NRXN1: variants seen among roughly 807,000 people sequenced by gnomAD.
The protein encoded by NRXN1 is neurexin-1.
In NRXN1, 39 loss-of-function variants were observed where a neutral mutation model predicts 150.9. The observed-to-expected ratio is 0.26, with a 90% CI of 0.20 to 0.34. The LOEUF (loss-of-function observed/expected upper bound fraction) is 0.34, where lower values mean the gene tolerates loss of function less well. NRXN1 is among the 10% of genes least tolerant of loss of function. NRXN1 has a pLI of 1.00. For missense variants in NRXN1, 1,815 were observed against 1,949.9 expected, an observed-to-expected ratio of 0.93 and a Z score of 1.30; for synonymous variants, 924 against 757.0, an observed-to-expected ratio of 1.22 and a Z score of -3.62.
chr2:50,582,549 A>C (rs1461519239), intron 8 of NRXN1, among the ~76,000 whole-genome samples: 1 of 151,842 alleles, frequency 6.6e-6, no homozygotes, highest in Non-Finnish European at 1.5e-5. Context: ...AATAAAACAA[A>C]AATAGCAAAG....
Position 50,522,248 on chromosome 2 carries a change from T to C in NRXN1, c.2374+6377A>G, listed in dbSNP as rs2092808741. On this transcript the variant is annotated intron_variant, in intron 12 of 22. Coordinates refer to ENST00000401669, the MANE Select transcript of NRXN1 (RefSeq NM_001330078.2). ...GAAACTCCCTTTTCACAGAAACTAA[T>C]AAGAGAATATCAAGTTTAGAATGTT... 1.3e-5 allele frequency among the ~76,000 whole-genome samples: 2 copies of C among 152,304 alleles called. 1 individual carries two copies. The highest frequency in any genetic ancestry group is 2.9e-5 in the Non-Finnish European group (2 of 68,016).
intron 17 of NRXN1, among the ~76,000 whole-genome samples, chr2:50,262,738 A>T (rs1313560409): frequency 2.0e-5 from 3 of 152,038 alleles, no homozygotes; most frequent in Non-Finnish European, 2.9e-5. Flanking sequence ...CTACAGATGT[A>T]GCTGCAGTGG....
At chr2:50,459,510 C>T (rs570373445) in intron 17 of NRXN1, among the ~76,000 whole-genome samples, 5 of 152,148 alleles carry the variant, frequency 3.3e-5, no homozygotes, top group Admixed American at 1.3e-4. Context: ...CCCTTCTTTG[C>T]GTTCATGAGT....
intron 19 of NRXN1, among the ~76,000 whole-genome samples, chr2:50,066,468 T>C (rs1287351442): frequency 6.6e-6 from 1 of 152,128 alleles, no homozygotes; most frequent in Non-Finnish European, 1.5e-5. Context: ...ACACAAACGA[T>C]TGCACCTAGA....
intron 5 of NRXN1, among the ~76,000 whole-genome samples, chr2:50,750,293 A>G (rs1700449375): frequency 6.6e-6 from 1 of 152,006 alleles, no homozygotes; most frequent in Non-Finnish European, 1.5e-5. Context: ...GGTGGCTTCT[A>G]TAGCTTTTTA....
chr2:50,561,885 T>C (rs1669140298), intron 8 of NRXN1, among the ~76,000 whole-genome samples: 1 of 152,204 alleles, frequency 6.6e-6, no homozygotes, highest in South Asian at 2.1e-4. Flanking sequence ...ATGAAGATAC[T>C]TTCCGCATCA....
chr2:50,344,759 C>T (rs757483481), intron 17 of NRXN1, among the ~76,000 whole-genome samples: 7 of 152,176 alleles, frequency 4.6e-5, no homozygotes, highest in Non-Finnish European at 1.0e-4. Context: ...GTCTTCTCCT[C>T]TCCCACGTCC....
intron 2 of NRXN1, among the ~76,000 whole-genome samples, chr2:51,011,207 A>C (rs1040741785): frequency 6.6e-6 from 1 of 152,008 alleles, no homozygotes; most frequent in African/African-American, 2.4e-5. Flanking sequence ...CTCTTTTAAG[A>C]AATTGCCTAC....
chr2:50,415,844 GA>G (rs924576756), intron 17 of NRXN1, among the ~76,000 whole-genome samples: 12 of 144,502 alleles, frequency 8.3e-5, no homozygotes, highest in Non-Finnish European at 1.4e-4. Flanking sequence ...AAAAAAAACA[GA>G]AAAAAATAGA....
intron 17 of NRXN1, among the ~76,000 whole-genome samples, chr2:50,395,093 T>C (rs2081974653): frequency 1.3e-5 from 2 of 152,124 alleles, no homozygotes; most frequent in African/African-American, 4.8e-5. Flanking sequence ...ATAGGTATTA[T>C]ATTATACTCA....
chr2:50,624,679 T>A (rs1344044995), intron 5 of NRXN1: 1 of 152,030 alleles, frequency 6.6e-6, no homozygotes, highest in Non-Finnish European at 1.5e-5. Context: ...GGATTACTGA[T>A]CTATTCCCTG....
At chr2:50,131,605 C>T (rs947182448) in intron 18 of NRXN1, among the ~76,000 whole-genome samples, 8 of 152,186 alleles carry the variant, frequency 5.3e-5, no homozygotes, top group Non-Finnish European at 1.2e-4. Flanking sequence ...AAGAAATGCT[C>T]TGTTGCCACT....
At chr2:50,579,844 C>T (rs1671987259) in intron 8 of NRXN1, among the ~76,000 whole-genome samples, 1 of 132,336 alleles carries the variant, frequency 7.6e-6, no homozygotes, top group African/African-American at 2.8e-5. Flanking sequence ...AGCAATTGAA[C>T]ATCAGGTGCA....
chr2:50,572,359 T>A (rs553386623), intron 8 of NRXN1, among the ~76,000 whole-genome samples: 1 of 152,338 alleles, frequency 6.6e-6, no homozygotes, highest in Admixed American at 6.5e-5. Context: ...GATATATTAA[T>A]AATTATACTG....
intron 21 of NRXN1, among the ~76,000 whole-genome samples, chr2:49,967,557 T>G (rs1677170568): frequency 6.6e-6 from 1 of 152,072 alleles, no homozygotes; most frequent in South Asian, 2.1e-4. Context: ...TGTCCTCCCA[T>G]TTTAGAGTTT....
chr2:50,902,056 T>A (rs1040504760), intron 5 of NRXN1, among the ~76,000 whole-genome samples: 1 of 152,108 alleles, frequency 6.6e-6, no homozygotes, highest in Non-Finnish European at 1.5e-5. Context: ...GCCATTAGAT[T>A]AAGAAAGTGA....
intron 2 of NRXN1, among the ~76,000 whole-genome samples, chr2:51,022,266 C>A (rs1669732011): frequency 1.3e-5 from 2 of 152,028 alleles, no homozygotes; most frequent in African/African-American, 2.4e-5. Flanking sequence ...AAGTCACCTG[C>A]TTCATTTTCT....
intron 19 of NRXN1, among the ~76,000 whole-genome samples, chr2:50,075,595 A>C (rs1322521060): frequency 1.3e-5 from 2 of 152,202 alleles, no homozygotes; most frequent in Non-Finnish European, 2.9e-5. Flanking sequence ...GATTGCCTCA[A>C]ATATCTTGGT....
At chr2:50,556,759 A>T (rs1668319907) in intron 8 of NRXN1, among the ~76,000 whole-genome samples, 1 of 152,272 alleles carries the variant, frequency 6.6e-6, no homozygotes, top group African/African-American at 2.4e-5. Context: ...AAAATAAATA[A>T]CTTAAAGAAT....
Sources: allele counts gnomAD v4.1 joint callset (sites outside exome capture counted in the v4.1 genomes callset), GRCh38; gene constraint gnomAD v4.1.1; transcripts MANE v1.5; gene names NCBI Gene and HGNC (gene_info 2026-07-23, HGNC 2026-07-21).